NCKAP5: variants seen among roughly 807,000 people sequenced by gnomAD.
NCKAP5 encodes NCK associated protein 5, also known as nck-associated protein 5.
NCKAP5 carries 92 observed loss-of-function variants against 167.0 expected under a neutral mutation model. The ratio of observed to expected loss-of-function variants is 0.55; its 90% CI spans 0.47 to 0.66. NCKAP5 has a LOEUF of 0.66. NCKAP5 is among the 30% of genes least tolerant of loss of function. The pLI is 0.00. For missense variants in NCKAP5, 2,378 were observed against 2,315.0 expected, an observed-to-expected ratio of 1.03 and a Z score of -0.56; for synonymous variants, 891 against 877.4, an observed-to-expected ratio of 1.02 and a Z score of -0.27.
chr2:132,731,863 C>T lies in NCKAP5; in HGVS notation c.5317G>A (p.Val1773Met), dbSNP rs1365409507. 4 of 1,613,918 alleles carry T rather than the reference C, an allele frequency of 2.5e-6. No homozygotes were observed. In the South Asian group the frequency reaches 4.4e-5, roughly 18 times the overall value. ...SMRAQTLERE[V>M]PSSTDGQRPA... is the part of the protein sequence containing the mutation. ...CGCTGGCCGTCTGTGGAGGAAGGCA[C>T]TTCACGTTCAAGGGTTTGGGCTCTC... The change falls in exon 17 of 20, where the codon GTG becomes ATG. Residue 1773 changes from valine (V) to methionine (M), a missense_variant. Around this residue, in one of 3 missense-constraint regions of NCKAP5, gnomAD observed 1,325 missense variants for 1,274.5 expected, o/e 1.04. Coordinates refer to ENST00000409261, the MANE Select transcript of NCKAP5 (RefSeq NM_207363.3).
chr2:132,876,799 A>C (rs1399994225), intron 9 of NCKAP5, among the ~76,000 whole-genome samples: 13 of 152,236 alleles, frequency 8.5e-5, no homozygotes, highest in Non-Finnish European at 1.8e-4. Context: ...ATATGAAATG[A>C]TTTTGTGGAT....
At chr2:133,422,665 TC>T (rs1356331300) in intron 3 of NCKAP5, among the ~76,000 whole-genome samples, 1 of 152,186 alleles carries the variant, frequency 6.6e-6, no homozygotes, top group Non-Finnish European at 1.5e-5. Context: ...CTATGACTTT[TC>T]TAAGGCAACA....
intron 2 of NCKAP5, among the ~76,000 whole-genome samples, chr2:133,545,698 T>C (rs1304485320): frequency 6.6e-6 from 1 of 152,050 alleles, no homozygotes; most frequent in African/African-American, 2.4e-5. Flanking sequence ...AGAAACAAAA[T>C]TGAAACATTT....
chr2:133,293,299 C>T (rs1403471133), intron 4 of NCKAP5, among the ~76,000 whole-genome samples: 1 of 152,180 alleles, frequency 6.6e-6, no homozygotes, highest in Non-Finnish European at 1.5e-5. Flanking sequence ...AAAGTGAGTG[C>T]AGAGTTTTAC....
At chr2:133,227,002 T>G (rs1181532216) in intron 4 of NCKAP5, among the ~76,000 whole-genome samples, 1 of 152,122 alleles carries the variant, frequency 6.6e-6, no homozygotes, top group African/African-American at 2.4e-5. Context: ...AAGCAAAGTG[T>G]GATGTATTTT....
intron 3 of NCKAP5, among the ~76,000 whole-genome samples, chr2:133,327,564 C>A (rs1265738740): frequency 6.6e-6 from 1 of 151,606 alleles, no homozygotes; most frequent in Non-Finnish European, 1.5e-5. Flanking sequence ...TGAGGACTGA[C>A]AAAATGCAAG....
At chr2:132,687,836 CA>C (rs1463578015) in intron 19 of NCKAP5, among the ~76,000 whole-genome samples, 2 of 151,856 alleles carry the variant, frequency 1.3e-5, no homozygotes, top group African/African-American at 4.8e-5. Context: ...CACCCCCTCA[CA>C]AAAATGTTTG....
At chr2:133,115,063 T>A (rs578141874) in intron 6 of NCKAP5, among the ~76,000 whole-genome samples, 2 of 152,328 alleles carry the variant, frequency 1.3e-5, no homozygotes, top group South Asian at 4.1e-4. Context: ...AAAGACAGAA[T>A]GCTTCTTTCT....
At chr2:133,022,265 C>G (rs2078553752) in intron 6 of NCKAP5, among the ~76,000 whole-genome samples, 1 of 152,156 alleles carries the variant, frequency 6.6e-6, no homozygotes, top group South Asian at 2.1e-4. Context: ...CTCTGAAAAC[C>G]TCTCCTTTTG....
intron 8 of NCKAP5, among the ~76,000 whole-genome samples, chr2:132,923,953 T>C (rs1159279231): frequency 1.3e-5 from 2 of 152,194 alleles, no homozygotes; most frequent in Non-Finnish European, 2.9e-5. Flanking sequence ...AGCTGGACGT[T>C]AGCCCAGTTA....
At chr2:133,659,446 T>C in the NCKAP5 span, among the ~76,000 whole-genome samples, 2 of 152,182 alleles carry the variant, frequency 1.3e-5, no homozygotes, top group African/African-American at 4.8e-5. Context: ...GAACTTTTAT[T>C]TTTAGAAATA....
chr2:133,484,028 A>G (rs1225792561), intron 3 of NCKAP5, among the ~76,000 whole-genome samples: 1 of 152,086 alleles, frequency 6.6e-6, no homozygotes, highest in Non-Finnish European at 1.5e-5. Context: ...CTGGATGGGG[A>G]ATCATTTGGC....
At chr2:132,828,655 G>T (rs1687298987) in intron 11 of NCKAP5, among the ~76,000 whole-genome samples, 1 of 152,100 alleles carries the variant, frequency 6.6e-6, no homozygotes, top group Non-Finnish European at 1.5e-5. Context: ...ACTAATACAG[G>T]CACTTAATGT....
intron 3 of NCKAP5, among the ~76,000 whole-genome samples, chr2:133,462,317 G>A (rs73001194): frequency 0.043 from 6,498 of 152,196 alleles, 164 homozygotes; most frequent in Admixed American, 0.085. Context: ...CATAATGGAT[G>A]GGCAGATGTC....
chr2:133,583,845 C>G, the NCKAP5 span, among the ~76,000 whole-genome samples: 2 of 152,176 alleles, frequency 1.3e-5, no homozygotes, highest in African/African-American at 4.8e-5. Flanking sequence ...GCTCTGCCTC[C>G]TGGGTTCACG....
chr2:133,438,780 G>C (rs1690655695), intron 3 of NCKAP5, among the ~76,000 whole-genome samples: 1 of 152,146 alleles, frequency 6.6e-6, no homozygotes, highest in Non-Finnish European at 1.5e-5. Flanking sequence ...ATTTGATATA[G>C]TTCTACCAAA....
chr2:133,393,216 C>CATTG (rs1423762730), intron 3 of NCKAP5, among the ~76,000 whole-genome samples: 1 of 152,142 alleles, frequency 6.6e-6, no homozygotes, highest in Non-Finnish European at 1.5e-5. Context: ...AAGTTGAAAC[C>CATTG]ATTGGGCCAT....
chr2:132,732,074 G>T, intron 16 of NCKAP5, 23 bp from the exon 17 acceptor site: 1 of 1,584,618 alleles, frequency 6.3e-7, no homozygotes, highest in Non-Finnish European at 8.6e-7. Context: ...GACAGAGAGA[G>T]AAGGGAATAG....
At chr2:132,756,456 T>C (rs1032615334) in intron 16 of NCKAP5, among the ~76,000 whole-genome samples, 4 of 152,106 alleles carry the variant, frequency 2.6e-5, no homozygotes, top group Non-Finnish European at 4.4e-5. Flanking sequence ...GAGACAGAGA[T>C]GAAGCATTTT....
Sources: allele counts gnomAD v4.1 joint callset (sites outside exome capture counted in the v4.1 genomes callset), GRCh38; gene constraint gnomAD v4.1.1; regional missense constraint gnomAD v4.1.1; transcripts MANE v1.5; gene names NCBI Gene and HGNC (gene_info 2026-07-23, HGNC 2026-07-21).